The following PIP4K2A variants were observed in gnomAD, a reference collection of about 807,000 sequenced individuals.
PIP4K2A encodes the protein phosphatidylinositol-5-phosphate 4-kinase type 2 alpha, also known as phosphatidylinositol 5-phosphate 4-kinase type-2 alpha.
PIP4K2A carries 14 observed loss-of-function variants against 42.9 expected under a neutral mutation model. That is an observed-to-expected ratio of 0.33 (90% confidence interval 0.22 to 0.51). The LOEUF is 0.51. PIP4K2A is among the 20% of genes least tolerant of loss of function. PIP4K2A has a pLI of 0.97. For synonymous variants in PIP4K2A, 192 were observed against 192.2 expected, an observed-to-expected ratio of 1.00 and a Z score of 0.01; for missense variants, 434 against 519.8, an observed-to-expected ratio of 0.83 and a Z score of 1.61.
intron 1 of PIP4K2A, among the ~76,000 whole-genome samples, chr10:22,708,407 C>A (rs1833857850): frequency 6.6e-6 from 1 of 152,180 alleles, no homozygotes; most frequent in Non-Finnish European, 1.5e-5. Context: ...ACGGGCAGGT[C>A]TCAATGGTCT....
chr10:22,649,208 C>T (rs1404579281), intron 1 of PIP4K2A, among the ~76,000 whole-genome samples: 1 of 152,186 alleles, frequency 6.6e-6, no homozygotes, highest in Non-Finnish European at 1.5e-5. Context: ...CATTTATTCA[C>T]CAGTTATCAA....
intron 4 of PIP4K2A, among the ~76,000 whole-genome samples, chr10:22,578,381 G>A (rs1223325275): frequency 6.6e-6 from 1 of 152,132 alleles, no homozygotes; most frequent in Admixed American, 6.5e-5. Flanking sequence ...AGATCTCAAT[G>A]ACCTTTGAGT....
At chr10:22,662,881 G>A (rs1839229913) in intron 1 of PIP4K2A, among the ~76,000 whole-genome samples, 1 of 152,232 alleles carries the variant, frequency 6.6e-6, no homozygotes, top group Admixed American at 6.5e-5. Context: ...CTCCAAGCCT[G>A]GGCTTACAGA....
At chr10:22,647,880 GGAAAAACAAAA>G (rs1453871599) in intron 1 of PIP4K2A, among the ~76,000 whole-genome samples, 2 of 152,086 alleles carry the variant, frequency 1.3e-5, no homozygotes, top group African/African-American at 4.8e-5. Context: ...CAGAGAGCTG[GGAAAAACAAAA>G]GAAAAACAAT....
At chr10:22,624,428 T>C (rs754782795) in intron 1 of PIP4K2A, among the ~76,000 whole-genome samples, 8 of 152,238 alleles carry the variant, frequency 5.3e-5, no homozygotes, top group Non-Finnish European at 8.8e-5. Flanking sequence ...ACACAGCCTA[T>C]GAAGTTTGCT....
chr10:22,564,723 T>A (rs575169497), intron 6 of PIP4K2A, among the ~76,000 whole-genome samples: 1 of 152,354 alleles, frequency 6.6e-6, no homozygotes, highest in South Asian at 2.1e-4. Flanking sequence ...TCTCAAAATG[T>A]ACATTCACTG....
At chr10:22,654,501 T>C (rs774151478) in intron 1 of PIP4K2A, among the ~76,000 whole-genome samples, 12 of 152,190 alleles carry the variant, frequency 7.9e-5, no homozygotes, top group Non-Finnish European at 1.6e-4. Flanking sequence ...TAACATGGGC[T>C]AAGATTTCAG....
intron 1 of PIP4K2A, among the ~76,000 whole-genome samples, chr10:22,638,062 C>T (rs1485077965): frequency 6.6e-6 from 1 of 152,120 alleles, no homozygotes; most frequent in Admixed American, 6.5e-5. Context: ...GAACAGTCCC[C>T]CAGGACCAAA....
chr10:22,585,081 T>C (rs550544150), intron 4 of PIP4K2A, among the ~76,000 whole-genome samples: 23 of 152,332 alleles, frequency 1.5e-4, no homozygotes, highest in Non-Finnish European at 2.8e-4. Flanking sequence ...ACTGACACAA[T>C]GTGGAACCTT....
intron 6 of PIP4K2A, among the ~76,000 whole-genome samples, chr10:22,566,218 C>T (rs936705929): frequency 2.3e-4 from 35 of 152,150 alleles, no homozygotes; most frequent in Admixed American, 6.5e-4. Context: ...ATCCTACCAA[C>T]GTGTGATGTC....
At chr10:22,589,692 G>C (rs746511015) in intron 4 of PIP4K2A, among the ~76,000 whole-genome samples, 1 of 152,164 alleles carries the variant, frequency 6.6e-6, no homozygotes, top group Non-Finnish European at 1.5e-5. Context: ...GCTTTTAAAG[G>C]GATGTTTAAA....
At chr10:22,664,495 T>C (rs1194769980) in intron 1 of PIP4K2A, among the ~76,000 whole-genome samples, 1 of 151,526 alleles carries the variant, frequency 6.6e-6, no homozygotes, top group Non-Finnish European at 1.5e-5. Context: ...AGTATGCCTT[T>C]ATGCTTGCCA....
chr10:22,684,288 T>C (rs1839719327), intron 1 of PIP4K2A, among the ~76,000 whole-genome samples: 1 of 152,232 alleles, frequency 6.6e-6, no homozygotes, highest in Admixed American at 6.5e-5. Context: ...AAACCAGCAT[T>C]AGTATCTGTG....
chr10:22,597,879 A>C (rs1329308188), intron 3 of PIP4K2A, among the ~76,000 whole-genome samples: 3 of 152,112 alleles, frequency 2.0e-5, no homozygotes, highest in African/African-American at 4.8e-5. Context: ...CCAAAGTAAA[A>C]TATTCACTTT....
intron 1 of PIP4K2A, among the ~76,000 whole-genome samples, chr10:22,684,078 C>A (rs904658136): frequency 1.3e-5 from 2 of 152,072 alleles, no homozygotes; most frequent in South Asian, 2.1e-4. Context: ...TTTTTCCCCC[C>A]CTTAAATGCA....
chr10:22,573,206 A>T, intron 5 of PIP4K2A, 105 bp downstream of exon 5: 2 of 1,006,364 alleles, frequency 2.0e-6, no homozygotes, highest in Non-Finnish European at 3.0e-6. Flanking sequence ...TGGTAGCTTT[A>T]AGTGCTGAGC....
chr10:22,598,673 T>A (rs535194448), intron 3 of PIP4K2A, among the ~76,000 whole-genome samples: 5 of 152,156 alleles, frequency 3.3e-5, no homozygotes, highest in Non-Finnish European at 7.4e-5. Flanking sequence ...AAGTCAGGGC[T>A]TTGCGTCCTC....
chr10:22,687,002 C>T (rs530919256), intron 1 of PIP4K2A, among the ~76,000 whole-genome samples: 3 of 152,180 alleles, frequency 2.0e-5, no homozygotes, highest in East Asian at 1.9e-4. Flanking sequence ...CATGCTCACT[C>T]GTAAATAGCA....
chr10:22,623,916 AT>A (rs964742356), intron 1 of PIP4K2A, among the ~76,000 whole-genome samples: 9 of 152,234 alleles, frequency 5.9e-5, no homozygotes, highest in African/African-American at 2.2e-4. Context: ...TTCATCAGAT[AT>A]GAAAAGAATA....
Sources: allele counts gnomAD v4.1 joint callset (sites outside exome capture counted in the v4.1 genomes callset), GRCh38; gene constraint gnomAD v4.1.1; transcripts MANE v1.5; gene names NCBI Gene and HGNC (gene_info 2026-07-23, HGNC 2026-07-21).